Variants in LRRFIP2 observed in about 807,000 individuals in gnomAD.
LRRFIP2 encodes LRR binding FLII interacting protein 2, also known as leucine-rich repeat flightless-interacting protein 2.
In LRRFIP2, 109 loss-of-function variants were observed where a neutral mutation model predicts 125.9. The ratio of observed to expected loss-of-function variants is 0.87; its 90% CI spans 0.74 to 1.01. LRRFIP2 has a LOEUF of 1.01. Among genes scored for constraint, LRRFIP2 ranks in the 50% least tolerant of loss-of-function variants. LRRFIP2 has a pLI of 0.00. For synonymous variants in LRRFIP2, 291 were observed against 293.1 expected (o/e 0.99, Z 0.07); for missense variants, 850 against 862.3 (o/e 0.99, Z 0.18).
intron 25 of LRRFIP2, among the ~76,000 whole-genome samples, chr3:37,057,914 T>C (rs900006696): frequency 3.9e-5 from 6 of 151,976 alleles, no homozygotes; most frequent in Non-Finnish European, 8.8e-5. Flanking sequence ...AGTAGAAAAA[T>C]GAGAAAAACT....
chr3:37,061,795 G>A (rs1436700726), intron 24 of LRRFIP2, among the ~76,000 whole-genome samples: 2 of 151,962 alleles, frequency 1.3e-5, no homozygotes, highest in African/African-American at 2.4e-5. Flanking sequence ...ATCCCTTCTT[G>A]CCCTCAGCTA....
intron 1 of LRRFIP2, among the ~76,000 whole-genome samples, chr3:37,168,797 C>T (rs1018299387): frequency 6.6e-6 from 1 of 152,110 alleles, no homozygotes; most frequent in Non-Finnish European, 1.5e-5. Context: ...GAGATGGGGC[C>T]TCACTATGTT....
At chr3:37,059,675 T>C (rs576595014) in intron 24 of LRRFIP2, among the ~76,000 whole-genome samples, 2 of 152,072 alleles carry the variant, frequency 1.3e-5, no homozygotes, top group East Asian at 1.9e-4. Context: ...TAGTCCCAAC[T>C]ACTCCAGAGG....
intron 1 of LRRFIP2, among the ~76,000 whole-genome samples, chr3:37,160,139 C>CG (rs2096296771): frequency 6.6e-6 from 1 of 151,252 alleles, no homozygotes; most frequent in Non-Finnish European, 1.5e-5. Flanking sequence ...TTCTAGAAGA[C>CG]AAAGGGGCTC....
At chr3:37,079,576 G>A (rs1359122122) in intron 19 of LRRFIP2, among the ~76,000 whole-genome samples, 1 of 151,896 alleles carries the variant, frequency 6.6e-6, no homozygotes, top group Non-Finnish European at 1.5e-5. Flanking sequence ...CCATCTCTTA[G>A]AATAAAAAAG....
Position 37,086,119 on chromosome 3 carries a change from C to T in LRRFIP2, c.1108-2313G>A, listed in dbSNP as rs536295885. Among the ~76,000 whole-genome samples, 11 of 152,256 alleles carry T rather than the reference C, an allele frequency of 7.2e-5. No individual in the cohort carries two copies. The South Asian group carries it at 1.0e-3, about 14-fold the overall frequency. On this transcript the variant is annotated intron_variant, in intron 18 of 27. Transcript: ENST00000336686. Reference sequence around the variant, plus strand: ...AATGGCAAATAAGCACATGAAAACACGCTCAACATCATTAGTCATTAGGAA... The same window carrying T: ...AATGGCAAATAAGCACATGAAAACATGCTCAACATCATTAGTCATTAGGAA...
intron 24 of LRRFIP2, among the ~76,000 whole-genome samples, chr3:37,059,922 G>A (rs2088075950): frequency 6.6e-6 from 1 of 152,132 alleles, no homozygotes; most frequent in Non-Finnish European, 1.5e-5. Flanking sequence ...TGGGAAAAGG[G>A]TAAGCTCTAT....
At position 37,089,704 on chromosome 3, in the gene LRRFIP2, G is replaced by A. The variant is rs180816090; in HGVS notation, c.1107+1763C>T. Among the ~76,000 whole-genome samples the A allele has an allele frequency of 2.1e-3, 314 of 152,180 alleles. 1 individual carries two copies. Among genetic ancestry groups the A allele is most frequent in the Admixed American group, 1.8e-3 (27 of 15,274 alleles). On this transcript the variant is annotated intron_variant, in intron 18 of 27. Transcript: ENST00000336686. The stretch of plus-strand genomic sequence containing the variant: ...TAGATCTAACATGAAAGGAAAAAAC[G>A]TTTTAAATAAAATGCCAGTAAGAAT...
rs866745490 is a variant in LRRFIP2 at position 37,094,716 on chromosome 3, T to A, written c.1035+76A>T. 17 of 876,926 alleles carry A rather than the reference T, an allele frequency of 1.9e-5. No individual in the cohort carries two copies. The Middle Eastern group carries it at 6.7e-4, about 35-fold the overall frequency. The allele number at this position is 876,926 out of a possible 1,614,324, so 54.3% of individuals were successfully genotyped here. On this transcript the variant is annotated intron_variant, in intron 17 of 27. Coordinates refer to ENST00000336686, the MANE Select transcript of LRRFIP2 (RefSeq NM_006309.4). ...TATTCCTTCTTTCTACTAAGTCACA[T>A]TAAAGGTTAAAAGTTCCAGTATATT... is the stretch of plus-strand genomic sequence containing the variant.
intron 19 of LRRFIP2, among the ~76,000 whole-genome samples, chr3:37,081,462 A>T (rs1457016488): frequency 6.6e-6 from 1 of 152,172 alleles, no homozygotes; most frequent in Non-Finnish European, 1.5e-5. Flanking sequence ...TTATAAAGCA[A>T]TAGTTGTTTA....
intron 1 of LRRFIP2, among the ~76,000 whole-genome samples, chr3:37,167,500 G>A (rs550516821): frequency 1.6e-4 from 24 of 151,208 alleles, no homozygotes; most frequent in Non-Finnish European, 3.1e-4. Flanking sequence ...CTGAAAATAC[G>A]AAAATTAGCC....
chr3:37,067,863 T>C (rs991231276), intron 21 of LRRFIP2: 3 of 152,238 alleles, frequency 2.0e-5, no homozygotes, highest in Non-Finnish European at 4.4e-5. Flanking sequence ...CTGGTTGTTT[T>C]TGTTTCCAAA....
At chr3:37,135,587 G>A (rs2095538805) in intron 2 of LRRFIP2, among the ~76,000 whole-genome samples, 1 of 151,918 alleles carries the variant, frequency 6.6e-6, no homozygotes. Flanking sequence ...GAGAAAAGTA[G>A]ATGAGATACA....
chr3:37,165,357 C>A (rs1412904114), intron 1 of LRRFIP2, among the ~76,000 whole-genome samples: 1 of 145,728 alleles, frequency 6.9e-6, no homozygotes, highest in African/African-American at 2.6e-5. Context: ...ATCCCGAAAC[C>A]AACCCCCCCA....
At chr3:37,065,754 C>T in intron 23 of LRRFIP2, 56 bp downstream of exon 23, 1 of 1,611,856 alleles carries the variant, frequency 6.2e-7, no homozygotes, top group Non-Finnish European at 8.5e-7. Flanking sequence ...TATGAAAAAG[C>T]AGAAAACCCA....
At chr3:37,112,861 T>G in intron 8 of LRRFIP2, 54 bp downstream of exon 8, 1 of 1,006,152 alleles carries the variant, frequency 9.9e-7, no homozygotes, top group Non-Finnish European at 1.5e-6. Context: ...ATCATAATCC[T>G]TAAGTTCCTA....
At chr3:37,145,685 C>T (rs1446626127) in intron 2 of LRRFIP2, among the ~76,000 whole-genome samples, 1 of 152,090 alleles carries the variant, frequency 6.6e-6, no homozygotes, top group Non-Finnish European at 1.5e-5. Flanking sequence ...TTGTGAGAAT[C>T]AAGATGTGAA....
At chr3:37,063,709 A>G (rs773061161) in intron 24 of LRRFIP2, 33 bp downstream of exon 24, 8 of 1,548,184 alleles carry the variant, frequency 5.2e-6, no homozygotes, top group Non-Finnish European at 5.3e-6. Flanking sequence ...ACTTTGTTAA[A>G]ATTATATTAC....
At chr3:37,078,731 C>T (rs2092360683) in intron 19 of LRRFIP2, among the ~76,000 whole-genome samples, 1 of 152,262 alleles carries the variant, frequency 6.6e-6, no homozygotes, top group Admixed American at 6.5e-5. Flanking sequence ...AGAACTAGGG[C>T]TCCTTGGACA....
Sources: gnomAD v4.1 joint callset for allele counts (sites outside exome capture counted in the v4.1 genomes callset) on GRCh38, gnomAD v4.1.1 for gene constraint, MANE v1.5 for transcripts, NCBI Gene and HGNC (gene_info 2026-07-23, HGNC 2026-07-21) for gene names.